Variants in ZBBX observed in about 807,000 individuals in gnomAD.
The protein encoded by ZBBX is zinc finger B-box domain-containing protein 1.
ZBBX carries 101 observed loss-of-function variants against 108.5 expected under a neutral mutation model. The ratio of observed to expected loss-of-function variants is 0.93; its 90% CI spans 0.79 to 1.10. ZBBX has a LOEUF of 1.10. Among genes scored for constraint, ZBBX ranks in the 50% least tolerant of loss-of-function variants. The probability of loss-of-function intolerance (pLI) is 0.00; values close to 1 mark genes in which losing one functional copy is unlikely to be tolerated. For synonymous variants in ZBBX, 356 were observed against 323.4 expected, an observed-to-expected ratio of 1.10 and a Z score of -1.08; for missense variants, 1,009 against 941.4, an observed-to-expected ratio of 1.07 and a Z score of -0.94.
At chr3:167,330,910 A>AAGAAGAAGAAGAAGG (rs1560136471) in intron 10 of ZBBX, among the ~76,000 whole-genome samples, 7 of 75,998 alleles carry the variant, frequency 9.2e-5, no homozygotes, top group African/African-American at 2.5e-4. Flanking sequence ...GAAGAAGAAG[A>AAGAAGAAGAAGAAGG]GGCATCATAT....
intron 19 of ZBBX, among the ~76,000 whole-genome samples, chr3:167,287,868 A>G (rs1397706722): frequency 1.3e-5 from 2 of 152,128 alleles, no homozygotes; most frequent in African/African-American, 4.8e-5. Context: ...CTCAACATAA[A>G]TGCACATGGA....
upstream of ZBBX, among the ~76,000 whole-genome samples, chr3:167,384,006 G>A (rs1001514534): frequency 5.9e-5 from 9 of 152,044 alleles, no homozygotes; most frequent in African/African-American, 1.9e-4. Flanking sequence ...GTTGTGCTAG[G>A]AGCACATTAA....
chr3:167,323,790 T>C (rs1412868725), intron 11 of ZBBX, among the ~76,000 whole-genome samples: 1 of 151,940 alleles, frequency 6.6e-6, no homozygotes, highest in Non-Finnish European at 1.5e-5. Flanking sequence ...CGGGTAGAAG[T>C]CAAGAGTGGC....
At chr3:167,202,030 C>T in the ZBBX span, among the ~76,000 whole-genome samples, 2 of 152,040 alleles carry the variant, frequency 1.3e-5, no homozygotes, top group Non-Finnish European at 2.9e-5. Flanking sequence ...CATGTTCCTG[C>T]TCTGTTTCAT....
At chr3:167,304,464 G>A (rs1733272885) in intron 17 of ZBBX, among the ~76,000 whole-genome samples, 1 of 152,158 alleles carries the variant, frequency 6.6e-6, no homozygotes, top group Admixed American at 6.6e-5. Context: ...CCCATCTGAA[G>A]TGGAGCTTTA....
chr3:167,249,553 T>TTTACTAG (rs1722204558), intron 20 of ZBBX, among the ~76,000 whole-genome samples: 1 of 152,156 alleles, frequency 6.6e-6, no homozygotes, highest in Admixed American at 6.5e-5. Flanking sequence ...CTCCAACAAA[T>TTTACTAG]GCCCAGTAAA....
chr3:167,402,866 A>G (rs1748468364), intron 1 of ZBBX, among the ~76,000 whole-genome samples: 1 of 152,140 alleles, frequency 6.6e-6, no homozygotes, highest in Admixed American at 6.6e-5. Context: ...GGTCAGGAGA[A>G]CTTATCCAAA....
chr3:167,255,665 T>C (rs1723381259), intron 20 of ZBBX, among the ~76,000 whole-genome samples: 1 of 152,094 alleles, frequency 6.6e-6, no homozygotes, highest in African/African-American at 2.4e-5. Flanking sequence ...AAATTTATTT[T>C]TAATTTTTGT....
chr3:167,360,785 C>T (rs2108542605), intron 6 of ZBBX, 62 bp from the exon 7 acceptor site: 2 of 1,044,558 alleles, frequency 1.9e-6, no homozygotes, highest in Non-Finnish European at 2.6e-6. Flanking sequence ...CGAAAGTTGC[C>T]AACAAAAATA....
At chr3:167,228,577 C>T in the ZBBX span, among the ~76,000 whole-genome samples, 1 of 151,776 alleles carries the variant, frequency 6.6e-6, no homozygotes, top group Non-Finnish European at 1.5e-5. Flanking sequence ...TCCCACAATG[C>T]GTTTGCATTC....
At chr3:167,267,377 T>C (rs1376944465) in intron 20 of ZBBX, among the ~76,000 whole-genome samples, 1 of 152,134 alleles carries the variant, frequency 6.6e-6, no homozygotes, top group African/African-American at 2.4e-5. Flanking sequence ...CAGGGAAGGA[T>C]AGGCAAGAAA....
At chr3:167,359,777 G>C in intron 8 of ZBBX, 93 bp downstream of exon 8, 1 of 506,816 alleles carries the variant, frequency 2.0e-6, no homozygotes, top group Non-Finnish European at 3.2e-6. Context: ...AGTTAAGTTG[G>C]GAGAGGTGTA....
chr3:167,375,677 G>A (rs2108611549), intron 2 of ZBBX, among the ~76,000 whole-genome samples: 1 of 151,820 alleles, frequency 6.6e-6, no homozygotes, highest in South Asian at 2.1e-4. Context: ...AAAAATGATT[G>A]TGCAATAGGA....
At chr3:167,320,685 ATG>A (rs1736291452) in intron 12 of ZBBX, among the ~76,000 whole-genome samples, 1 of 152,056 alleles carries the variant, frequency 6.6e-6, no homozygotes, top group South Asian at 2.1e-4. Context: ...CACCTTAACT[ATG>A]TGATCAAGGT....
At chr3:167,250,179 G>C (rs186067228) in intron 20 of ZBBX, among the ~76,000 whole-genome samples, 5 of 152,204 alleles carry the variant, frequency 3.3e-5, no homozygotes, top group African/African-American at 9.6e-5. Context: ...TACATTAGAG[G>C]ACCTCCTGAA....
chr3:167,180,284 A>G, the ZBBX span, among the ~76,000 whole-genome samples: 2 of 152,232 alleles, frequency 1.3e-5, no homozygotes, highest in African/African-American at 4.8e-5. Context: ...CTAAGGATAG[A>G]AAACAGACTA....
chr3:167,214,634 AATGGATCT>A, the ZBBX span, among the ~76,000 whole-genome samples: 1 of 152,174 alleles, frequency 6.6e-6, no homozygotes, highest in African/African-American at 2.4e-5. Context: ...CATTAGAACA[AATGGATCT>A]GATTGACCTC....
At chr3:167,279,003 A>G (rs1179738448) in intron 20 of ZBBX, among the ~76,000 whole-genome samples, 2 of 152,186 alleles carry the variant, frequency 1.3e-5, no homozygotes, top group Non-Finnish European at 2.9e-5. Flanking sequence ...CAAAAACCAC[A>G]TGATTATCTC....
intron 18 of ZBBX, among the ~76,000 whole-genome samples, chr3:167,293,168 GAA>G (rs1731012393): frequency 6.6e-6 from 1 of 152,086 alleles, no homozygotes; most frequent in African/African-American, 2.4e-5. Context: ...CCAAACAATA[GAA>G]AAAGAGGGAC....
Sources: gnomAD v4.1 joint callset for allele counts (sites outside exome capture counted in the v4.1 genomes callset) on GRCh38, gnomAD v4.1.1 for gene constraint, MANE v1.5 for transcripts, NCBI Gene and HGNC (gene_info 2026-07-23, HGNC 2026-07-21) for gene names.